Variants in PHF14 observed in about 807,000 individuals in gnomAD.
The protein encoded by PHF14 is PHD finger protein 14.
PHF14 carries 55 observed loss-of-function variants against 117.9 expected under a neutral mutation model. That is an observed-to-expected ratio of 0.47 (90% CI 0.38 to 0.58). The LOEUF is 0.58. PHF14 is among the 20% of genes least tolerant of loss of function. The pLI is 0.00. For synonymous variants in PHF14, 409 were observed against 368.6 expected, an observed-to-expected ratio of 1.11 and a Z score of -1.26; for missense variants, 978 against 1,122.2, an observed-to-expected ratio of 0.87 and a Z score of 1.84.
chr7:11,050,186 C>T, intron 13 of PHF14, among the ~76,000 whole-genome samples: 1 of 152,064 alleles, frequency 6.6e-6, no homozygotes, highest in East Asian at 1.9e-4. Flanking sequence ...AATAAGTTCA[C>T]AGTATTAGTG....
rs185278017 is a variant in PHF14, at chr7:11,082,530, T to C, written c.2654+20445T>C. The stretch of plus-strand genomic sequence containing the variant: ...AGATAAGCTTAATTTTCCCTTGTTA[T>C]TCAATCATTTATGCTTTCTGATTTA... On this transcript the variant is annotated intron_variant, in intron 16 of 17. Transcript: ENST00000634607. Among the ~76,000 whole-genome samples the C allele has an allele frequency of 2.0e-3, 301 of 152,362 alleles. 1 individual carries two copies. The highest frequency in any genetic ancestry group is 3.5e-3 in the Admixed American group (53 of 15,304).
Position 11,151,071 on chromosome 7 carries a change from A to C in PHF14, c.2773-18345A>C, listed in dbSNP as rs192097189. On this transcript the variant is annotated intron_variant, in intron 17 of 17. Coordinates refer to ENST00000634607, the MANE Select transcript of PHF14 (RefSeq NM_001007157.2). ...TAAGAAAAGCAAAATAGAATCTTAG[A>C]CAAAAAAACCTGTCATAATGCAATG... 2.5e-3 allele frequency among the ~76,000 whole-genome samples: 373 copies of C among 150,408 alleles called. 2 individuals are homozygous for C. The highest frequency in any genetic ancestry group is 8.7e-3 in the African/African-American group (347 of 39,758).
intron 4 of PHF14, among the ~76,000 whole-genome samples, chr7:11,011,442 T>A (rs1217410093): frequency 6.6e-6 from 1 of 152,244 alleles, no homozygotes; most frequent in African/African-American, 2.4e-5. Flanking sequence ...GAGACGATCA[T>A]GTTAAATGTT....
At chr7:11,128,690 C>G (rs777381904) in intron 17 of PHF14, among the ~76,000 whole-genome samples, 1 of 149,630 alleles carries the variant, frequency 6.7e-6, no homozygotes, top group Non-Finnish European at 1.5e-5. Flanking sequence ...GTAAATCAGT[C>G]TCTCTCTCTC....
intron 12 of PHF14, among the ~76,000 whole-genome samples, chr7:11,041,875 G>T (rs1020708444): frequency 2.0e-5 from 3 of 151,528 alleles, no homozygotes; most frequent in Non-Finnish European, 4.4e-5. Flanking sequence ...GTGTGTGTGT[G>T]TGTGACTTTT....
In PHF14 at chr7:11,122,331, T is replaced by TTATATATATATATATATATATA. The variant is rs146463909; in HGVS notation, c.2772+10865_2772+10886dup. Among the ~76,000 whole-genome samples, 117 of 83,940 alleles carry TTATATATATATATATATATATA rather than the reference T, an allele frequency of 1.4e-3. 2 individuals are homozygous for TTATATATATATATATATATATA. The highest frequency in any genetic ancestry group is 2.3e-3 in the South Asian group (6 of 2,554). 55.1% of individuals were successfully genotyped at this position (83,940 alleles called of 152,430 possible). On this transcript the variant is annotated intron_variant, in intron 17 of 17. Transcript: ENST00000634607. ...AAGGGGAGATTACTGTTTGTACTTT[T>TTATATATATATATATATATATA]TATATATATATATATATATATACAC...
chr7:11,116,735 T>G, intron 17 of PHF14, among the ~76,000 whole-genome samples: 1 of 151,882 alleles, frequency 6.6e-6, no homozygotes, highest in East Asian at 1.9e-4. Context: ...GTTCCACAGG[T>G]GATTTTATGA....
intron 5 of PHF14, chr7:11,015,154 G>C (rs1038096292): frequency 3.3e-5 from 5 of 150,970 alleles, no homozygotes; most frequent in African/African-American, 1.2e-4. Context: ...TAAAAACTAG[G>C]GTATATTATG....
At chr7:11,164,130 G>A (rs886424943) in intron 17 of PHF14, among the ~76,000 whole-genome samples, 1 of 152,152 alleles carries the variant, frequency 6.6e-6, no homozygotes, top group Non-Finnish European at 1.5e-5. Flanking sequence ...TTAAGTTAGT[G>A]CCTGTCTGCA....
chr7:11,142,213 T>C (rs1468314439), intron 17 of PHF14, among the ~76,000 whole-genome samples: 4 of 152,038 alleles, frequency 2.6e-5, no homozygotes, highest in African/African-American at 9.7e-5. Flanking sequence ...TCCCAACATA[T>C]AAAATTACAG....
intron 4 of PHF14, among the ~76,000 whole-genome samples, chr7:11,003,054 C>T (rs1300042789): frequency 6.6e-6 from 1 of 152,092 alleles, no homozygotes; most frequent in Non-Finnish European, 1.5e-5. Flanking sequence ...AATTCTCCTG[C>T]CTCAGCCTCC....
intron 4 of PHF14, among the ~76,000 whole-genome samples, chr7:11,008,412 C>T (rs577339959): frequency 4.6e-5 from 7 of 152,188 alleles, no homozygotes; most frequent in East Asian, 1.9e-4. Context: ...AGGGGGTGAG[C>T]GGCTGGTGAG....
intron 5 of PHF14, among the ~76,000 whole-genome samples, chr7:11,019,000 T>C (rs189370584): frequency 1.1e-4 from 17 of 152,330 alleles, no homozygotes; most frequent in Admixed American, 8.5e-4. Flanking sequence ...AATGATCATA[T>C]GGTTTTTATC....
intron 17 of PHF14, 65 bp downstream of exon 17, chr7:11,111,532 C>G (rs2128343561): frequency 1.3e-6 from 1 of 749,282 alleles, no homozygotes; most frequent in East Asian, 2.8e-5. Context: ...TCCCATGTCA[C>G]ACAATTAGCT....
intron 2 of PHF14, among the ~76,000 whole-genome samples, chr7:10,978,034 C>T (rs1781927150): frequency 6.6e-6 from 1 of 152,158 alleles, no homozygotes; most frequent in African/African-American, 2.4e-5. Context: ...CTATCCCCCA[C>T]CAGGCAAAGT....
At chr7:11,045,534 A>G (rs1784635706) in intron 13 of PHF14, among the ~76,000 whole-genome samples, 1 of 152,220 alleles carries the variant, frequency 6.6e-6, no homozygotes, top group South Asian at 2.1e-4. Flanking sequence ...CAGATATCAT[A>G]TTCTACTCTA....
intron 3 of PHF14, among the ~76,000 whole-genome samples, chr7:10,984,255 A>G (rs1234038833): frequency 1.3e-5 from 2 of 152,198 alleles, no homozygotes; most frequent in African/African-American, 4.8e-5. Context: ...TTTCGTTACC[A>G]AAATAATCTA....
intron 17 of PHF14, among the ~76,000 whole-genome samples, chr7:11,121,207 G>A (rs1368035752): frequency 6.6e-6 from 1 of 152,098 alleles, no homozygotes; most frequent in African/African-American, 2.4e-5. Flanking sequence ...TTTTAAGGAT[G>A]GATATGTTGG....
chr7:11,007,531 T>C (rs150298015), intron 4 of PHF14, among the ~76,000 whole-genome samples: 1 of 152,174 alleles, frequency 6.6e-6, no homozygotes, highest in Non-Finnish European at 1.5e-5. Flanking sequence ...CTAGTATTGC[T>C]AGAGTCTTTT....
Sources: gnomAD v4.1 joint callset for allele counts (sites outside exome capture counted in the v4.1 genomes callset) on GRCh38, gnomAD v4.1.1 for gene constraint, MANE v1.5 for transcripts, NCBI Gene and HGNC (gene_info 2026-07-23, HGNC 2026-07-21) for gene names.